PAFAH1B2: variants seen among roughly 807,000 people sequenced by gnomAD.
PAFAH1B2 encodes platelet-activating factor acetylhydrolase IB subunit alpha2.
A neutral mutation model predicts 28.0 loss-of-function variants in PAFAH1B2; 8 were observed. That is an observed-to-expected ratio of 0.29 (90% CI 0.17 to 0.52). PAFAH1B2 has a LOEUF of 0.52. PAFAH1B2 is among the 20% of genes least tolerant of loss of function. The pLI, the probability that PAFAH1B2 is intolerant of heterozygous loss-of-function variation, is 0.97. For missense variants in PAFAH1B2, 190 were observed against 282.6 expected (o/e 0.67, Z 2.35); for synonymous variants, 104 against 103.2 (o/e 1.01, Z -0.05).
rs1565274998 is a variant in PAFAH1B2, at chr11:117,168,445, C to CCTTTTTTTTTT, written c.*746_*747insCTTTTTTTTTT. On this transcript the variant is annotated 3_prime_UTR_variant, in exon 6 of 6. Coordinates refer to ENST00000527958, the MANE Select transcript of PAFAH1B2 (RefSeq NM_002572.4). ...TTCCCCTTCATTCCCCCCGCCACCC[C>CCTTTTTTTTTT]GTTTTTTTTTTTTTTTTTTTTTTTT... 4.0e-5 allele frequency: 14 copies of CCTTTTTTTTTT among 354,306 alleles called. No individual in the cohort carries two copies. The highest frequency in any genetic ancestry group is 1.1e-4 in the African/African-American group (2 of 19,032). The allele number at this position is 354,306 out of a possible 1,614,324, so 21.9% of individuals were successfully genotyped here.
chr11:117,175,298 G>C, downstream of PAFAH1B2: 4 of 1,072,060 alleles, frequency 3.7e-6, no homozygotes, highest in Non-Finnish European at 4.5e-6. Flanking sequence ...ACACACCACT[G>C]CCTTTTTTTG....
At chr11:117,171,170 C>A, downstream of PAFAH1B2, 2 of 610,816 alleles carry the variant, frequency 3.3e-6, no homozygotes, top group Non-Finnish European at 4.2e-6. Context: ...TACTGTGGAA[C>A]TGAATGCACC....
At chr11:117,175,978 AT>A, downstream of PAFAH1B2, 1 of 1,498,922 alleles carries the variant, frequency 6.7e-7, no homozygotes, top group Non-Finnish European at 9.0e-7. Flanking sequence ...TCCTACACTG[AT>A]TCTCCAAACT....
At chr11:117,165,515 T>C (rs1246146364) in intron 5 of PAFAH1B2, among the ~76,000 whole-genome samples, 1 of 152,184 alleles carries the variant, frequency 6.6e-6, no homozygotes, top group African/African-American at 2.4e-5. Context: ...TCCTAGTTCT[T>C]GAGCATACAA....
At chr11:117,167,285 G>A (rs1956533957) in intron 5 of PAFAH1B2, 136 bp from the exon 6 acceptor site, 1 of 900,448 alleles carries the variant, frequency 1.1e-6, no homozygotes, top group Non-Finnish European at 1.6e-6. Flanking sequence ...ATTCAAAACA[G>A]TATTTTCCAA....
In PAFAH1B2 at chr11:117,169,965, T is replaced by A; in HGVS notation, c.*2266T>A. On this transcript the variant is annotated 3_prime_UTR_variant, in exon 6 of 6. Coordinates refer to ENST00000527958, the MANE Select transcript of PAFAH1B2 (RefSeq NM_002572.4). Reference sequence around the variant, plus strand: ...CTGGCCCTCAGCTCCTTTGCTCATGTGTACAAACCTCAGATGTTACTACAT... The same window carrying A: ...CTGGCCCTCAGCTCCTTTGCTCATGAGTACAAACCTCAGATGTTACTACAT... 1 of 1,053,184 alleles carries A rather than the reference T, an allele frequency of 9.5e-7. No homozygotes were observed. The highest frequency in any genetic ancestry group is 1.1e-6 in the Non-Finnish European group (1 of 871,608). The allele number at this position is 1,053,184 out of a possible 1,614,324, so 65.2% of individuals were successfully genotyped here.
intron 1 of PAFAH1B2, among the ~76,000 whole-genome samples, chr11:117,146,190 C>CTGAG (rs750625088): frequency 2.0e-5 from 3 of 149,046 alleles, no homozygotes; most frequent in Non-Finnish European, 4.4e-5. Flanking sequence ...GGCGCGATCT[C>CTGAG]TACTCACTAC....
intron 1 of PAFAH1B2, among the ~76,000 whole-genome samples, chr11:117,144,987 T>G (rs548815074): frequency 6.6e-6 from 1 of 152,358 alleles, no homozygotes; most frequent in East Asian, 1.9e-4. Flanking sequence ...ATTTCAACTC[T>G]TTAGAAACTT....
intron 2 of PAFAH1B2, among the ~76,000 whole-genome samples, chr11:117,155,235 G>A (rs965536260): frequency 3.9e-5 from 6 of 152,142 alleles, no homozygotes; most frequent in Non-Finnish European, 7.4e-5. Context: ...GATTACAGGC[G>A]TGAGCCACCA....
chr11:117,158,412 G>A (rs1956299631), intron 2 of PAFAH1B2, among the ~76,000 whole-genome samples: 1 of 151,936 alleles, frequency 6.6e-6, no homozygotes, highest in Non-Finnish European at 1.5e-5. Context: ...GATTACCACT[G>A]TTTATAAACT....
chr11:117,145,396 CACCCTAGGACCTCATTTTGT>C (rs1441763545), intron 1 of PAFAH1B2, among the ~76,000 whole-genome samples: 1 of 152,050 alleles, frequency 6.6e-6, no homozygotes, highest in Non-Finnish European at 1.5e-5. Context: ...CACCCGGATC[CACCCTAGGACCTCATTTTGT>C]ACAGCTTGAA....
Position 117,168,255 on chromosome 11 carries a change from AT to A in PAFAH1B2, c.*559del, listed in dbSNP as rs1956556773. On this transcript the variant is annotated 3_prime_UTR_variant, in exon 6 of 6. Coordinates refer to ENST00000527958, the MANE Select transcript of PAFAH1B2 (RefSeq NM_002572.4). ...TGGAAGATGCTATAGTTAGAAGTGA[AT>A]TTGTTCTGCTTTCTTAATCTTTTCC... 9.4e-7 allele frequency: 1 copy of A among 1,062,440 alleles called. No homozygotes were observed. Among genetic ancestry groups the A allele is most frequent in the Admixed American group, 5.4e-5 (1 of 18,606 alleles). The allele number at this position is 1,062,440 out of a possible 1,614,324, so 65.8% of individuals were successfully genotyped here. A position where few individuals can be genotyped will look rare whatever the true frequency, so the allele number is the denominator to read the frequency against.
At chr11:117,162,142 G>A (rs551512016) in intron 4 of PAFAH1B2, among the ~76,000 whole-genome samples, 3 of 152,232 alleles carry the variant, frequency 2.0e-5, no homozygotes, top group African/African-American at 7.2e-5. Context: ...TTCATTGAAA[G>A]TTGTTTGTTT....
Position 117,168,259 on chromosome 11 carries a change from G to T in PAFAH1B2, c.*560G>T. 9.4e-6 allele frequency: 10 copies of T among 1,062,508 alleles called. No homozygotes were observed. The highest frequency in any genetic ancestry group is 1.1e-5 in the Non-Finnish European group (10 of 877,618). 65.8% of individuals were successfully genotyped at this position (1,062,508 alleles called of 1,614,324 possible). On this transcript the variant is annotated 3_prime_UTR_variant, in exon 6 of 6. Coordinates refer to ENST00000527958, the MANE Select transcript of PAFAH1B2 (RefSeq NM_002572.4). ...AGATGCTATAGTTAGAAGTGAATTT[G>T]TTCTGCTTTCTTAATCTTTTCCATG... is the stretch of plus-strand genomic sequence containing the variant.
In PAFAH1B2 at chr11:117,152,394, A is replaced by G. The variant is rs372276410; in HGVS notation, c.-7-47A>G. ...TGTGTATAATATTTAAGTGGTAACAAACCTTCCTGTTAACAAATGAAACAT... is the reference window on the plus strand; with the variant it reads ...TGTGTATAATATTTAAGTGGTAACAGACCTTCCTGTTAACAAATGAAACAT... On this transcript the variant is annotated intron_variant, in intron 1 of 5. Coordinates refer to ENST00000527958, the MANE Select transcript of PAFAH1B2 (RefSeq NM_002572.4). 6.8e-4 allele frequency: 788 copies of G among 1,154,776 alleles called. 2 individuals carry two copies. Among genetic ancestry groups the G allele is most frequent in the South Asian group, 1.0e-3 (81 of 80,726 alleles). The allele number at this position is 1,154,776 out of a possible 1,614,324, so 71.5% of individuals were successfully genotyped here. A position where few individuals can be genotyped will look rare whatever the true frequency, so the allele number is the denominator to read the frequency against.
chr11:117,175,599 C>T (rs572535033), downstream of PAFAH1B2: 18 of 1,188,974 alleles, frequency 1.5e-5, 1 homozygote, highest in South Asian at 4.9e-4. Flanking sequence ...TAGTGATAGT[C>T]CACAGTTGTT....
intron 1 of PAFAH1B2, among the ~76,000 whole-genome samples, chr11:117,151,718 T>TG (rs1477247373): frequency 1.3e-5 from 2 of 152,228 alleles, no homozygotes; most frequent in Non-Finnish European, 2.9e-5. Flanking sequence ...GTTTTTTTTT[T>TG]GAGACAGAGT....
At chr11:117,162,411 T>C (rs1323539112) in intron 4 of PAFAH1B2, among the ~76,000 whole-genome samples, 1 of 151,326 alleles carries the variant, frequency 6.6e-6, no homozygotes, top group Non-Finnish European at 1.5e-5. Flanking sequence ...CCTAAAATAC[T>C]GGGATTATAG....
At chr11:117,160,433 T>A (rs1057344642) in intron 3 of PAFAH1B2, among the ~76,000 whole-genome samples, 1 of 152,238 alleles carries the variant, frequency 6.6e-6, no homozygotes, top group Non-Finnish European at 1.5e-5. Context: ...ATTGCCAATC[T>A]TCTTTTAGGG....
Sources: allele counts gnomAD v4.1 joint callset (sites outside exome capture counted in the v4.1 genomes callset), GRCh38; gene constraint gnomAD v4.1.1; transcripts MANE v1.5; gene names NCBI Gene and HGNC (gene_info 2026-07-23, HGNC 2026-07-21).